Variants in CDH18 observed in about 807,000 individuals in gnomAD.
CDH18 encodes the protein cadherin 18, also known as cadherin-18.
CDH18 carries 31 observed loss-of-function variants against 67.9 expected under a neutral mutation model. The ratio of observed to expected loss-of-function variants is 0.46; its 90% CI spans 0.34 to 0.62. The LOEUF (loss-of-function observed/expected upper bound fraction) is 0.62. CDH18 is among the 20% of genes least tolerant of loss of function. The pLI, the probability that CDH18 is intolerant of heterozygous loss-of-function variation, is 0.01. For synonymous variants in CDH18, 362 were observed against 347.2 expected, an observed-to-expected ratio of 1.04 and a Z score of -0.48; for missense variants, 890 against 975.5, an observed-to-expected ratio of 0.91 and a Z score of 1.17.
At chr5:19,951,051 T>G (rs998452158) in intron 2 of CDH18, among the ~76,000 whole-genome samples, 7 of 152,174 alleles carry the variant, frequency 4.6e-5, no homozygotes, top group African/African-American at 1.7e-4. Flanking sequence ...CCAAATATAT[T>G]TGATTAGATC....
intron 2 of CDH18, among the ~76,000 whole-genome samples, chr5:20,231,921 C>A (rs534318654): frequency 2.0e-5 from 3 of 151,948 alleles, no homozygotes; most frequent in East Asian, 3.9e-4. Context: ...AAAGCTAAAT[C>A]AATAGATTTC....
chr5:19,967,358 T>C (rs1214746277), intron 2 of CDH18, among the ~76,000 whole-genome samples: 3 of 152,120 alleles, frequency 2.0e-5, no homozygotes, highest in Non-Finnish European at 4.4e-5. Flanking sequence ...AGAAGATTCA[T>C]TCAACTGTTA....
intron 5 of CDH18, among the ~76,000 whole-genome samples, chr5:19,675,343 G>A (rs1017914451): frequency 6.6e-6 from 1 of 152,006 alleles, no homozygotes; most frequent in African/African-American, 2.4e-5. Flanking sequence ...TATCAGGCAG[G>A]AATTTCCTAG....
chr5:19,572,325 G>C (rs1296287644), intron 7 of CDH18, among the ~76,000 whole-genome samples: 1 of 152,112 alleles, frequency 6.6e-6, no homozygotes, highest in East Asian at 1.9e-4. Flanking sequence ...CACTGATGCT[G>C]GTCTTCCTGT....
intron 1 of CDH18, among the ~76,000 whole-genome samples, chr5:20,255,908 T>A (rs201773255): frequency 6.6e-6 from 1 of 151,602 alleles, no homozygotes; most frequent in Non-Finnish European, 1.5e-5. Context: ...TAAATGTTTA[T>A]GTTATTTTAA....
chr5:20,446,804 CCTT>C (rs1260148916), intron 1 of CDH18, among the ~76,000 whole-genome samples: 1 of 152,114 alleles, frequency 6.6e-6, no homozygotes, highest in Non-Finnish European at 1.5e-5. Context: ...CATGATCTGT[CCTT>C]CTATGAAAAA....
At chr5:19,506,121 A>G (rs2126788632) in intron 10 of CDH18, among the ~76,000 whole-genome samples, 1 of 151,928 alleles carries the variant, frequency 6.6e-6, no homozygotes, top group African/African-American at 2.4e-5. Flanking sequence ...ATACACACAT[A>G]ACAGAGAGCC....
At chr5:19,913,713 G>A (rs1462346540) in intron 2 of CDH18, among the ~76,000 whole-genome samples, 1 of 152,064 alleles carries the variant, frequency 6.6e-6, no homozygotes, top group African/African-American at 2.4e-5. Context: ...CTAAGATGGA[G>A]GGGAGACCTC....
At chr5:19,764,463 T>C (rs1772802680) in intron 3 of CDH18, among the ~76,000 whole-genome samples, 1 of 151,868 alleles carries the variant, frequency 6.6e-6, no homozygotes. Flanking sequence ...ATATATGTGG[T>C]ATTCATATTT....
intron 5 of CDH18, among the ~76,000 whole-genome samples, chr5:19,671,917 A>G (rs1252224320): frequency 6.6e-6 from 1 of 152,120 alleles, no homozygotes; most frequent in Non-Finnish European, 1.5e-5. Context: ...AGTCACCACC[A>G]GTGATGCAAC....
chr5:19,687,162 G>A (rs933517434), intron 5 of CDH18, among the ~76,000 whole-genome samples: 4 of 152,270 alleles, frequency 2.6e-5, no homozygotes, highest in African/African-American at 9.6e-5. Flanking sequence ...GGTCCTTGAT[G>A]CCGGCATGCT....
chr5:19,750,238 C>A (rs781488613), intron 3 of CDH18, among the ~76,000 whole-genome samples: 4 of 152,026 alleles, frequency 2.6e-5, no homozygotes, highest in African/African-American at 4.8e-5. Context: ...TCTCAAGATT[C>A]CCTCTCCTCC....
At chr5:20,424,745 T>TAAAAAAA (rs67349001) in intron 1 of CDH18, among the ~76,000 whole-genome samples, 3 of 42,924 alleles carry the variant, frequency 7.0e-5, no homozygotes, top group Non-Finnish European at 7.3e-5. Context: ...AGACTCTGTC[T>TAAAAAAA]AAAAAAAAAA....
intron 2 of CDH18, among the ~76,000 whole-genome samples, chr5:20,127,804 T>C (rs570429641): frequency 6.6e-6 from 1 of 152,244 alleles, no homozygotes; most frequent in African/African-American, 2.4e-5. Context: ...CTGTATTATA[T>C]ACCTAGAAAA....
chr5:20,126,638 T>A (rs2126450846), intron 2 of CDH18, among the ~76,000 whole-genome samples: 1 of 152,208 alleles, frequency 6.6e-6, no homozygotes, highest in South Asian at 2.1e-4. Context: ...ATTTCCAAGT[T>A]AAAAATTTTC....
chr5:20,543,777 C>G (rs1032656553), intron 1 of CDH18, among the ~76,000 whole-genome samples: 1 of 152,172 alleles, frequency 6.6e-6, no homozygotes, highest in African/African-American at 2.4e-5. Flanking sequence ...TAACTAAATT[C>G]AGCTCATTGC....
chr5:20,128,603 C>T lies in CDH18; in HGVS notation c.-518+126841G>A, dbSNP rs1285674641. ...TGTCCACACATTTCTCTATCTCTGA[C>T]ACAAATCAAAATGTGTTACCTTCCA... On this transcript the variant is annotated intron_variant, in intron 2 of 14. Coordinates refer to the CDH18 transcript ENST00000507958. Among the ~76,000 whole-genome samples the T allele has an allele frequency of 1.4e-4, 22 of 152,060 alleles. 1 individual carries two copies. Among genetic ancestry groups the T allele is most frequent in the Admixed American group, 1.4e-3 (22 of 15,268 alleles).
chr5:19,484,084 G>A (rs1040859561), intron 11 of CDH18, among the ~76,000 whole-genome samples: 1 of 152,166 alleles, frequency 6.6e-6, no homozygotes, highest in Non-Finnish European at 1.5e-5. Context: ...GCTGTGATTT[G>A]AAGCTGTATT....
intron 9 of CDH18, among the ~76,000 whole-genome samples, chr5:19,541,647 C>A (rs920110118): frequency 6.6e-6 from 1 of 152,090 alleles, no homozygotes; most frequent in Non-Finnish European, 1.5e-5. Flanking sequence ...CAAGAGAGAG[C>A]GTGTGCAGGG....
Sources: allele counts gnomAD v4.1 joint callset (sites outside exome capture counted in the v4.1 genomes callset), GRCh38; gene constraint gnomAD v4.1.1; transcripts MANE v1.5; gene names NCBI Gene and HGNC (gene_info 2026-07-23, HGNC 2026-07-21).